Variants in SPATA7 observed in about 807,000 individuals in gnomAD.
SPATA7 encodes spermatogenesis-associated protein 7.
A neutral mutation model predicts 51.8 loss-of-function variants in SPATA7; 43 were observed. That is an observed-to-expected ratio of 0.83 (90% CI 0.65 to 1.07). The LOEUF is 1.07. Ranked by LOEUF, SPATA7 falls within the 50% of genes least tolerant of loss-of-function variation. The probability of loss-of-function intolerance (pLI) is 0.00; values close to 1 mark genes in which losing one functional copy is unlikely to be tolerated. For synonymous variants in SPATA7, 230 were observed against 252.8 expected, an observed-to-expected ratio of 0.91 and a Z score of 0.86; for missense variants, 683 against 701.3, an observed-to-expected ratio of 0.97 and a Z score of 0.30.
Position 88,396,578 on chromosome 14 carries a change from G to A in SPATA7, c.238+375G>A, listed in dbSNP as rs181025968. Among the ~76,000 whole-genome samples, 540 of 152,210 alleles carry A rather than the reference G, an allele frequency of 3.5e-3. 4 individuals are homozygous for A. The highest frequency in any genetic ancestry group is 5.1e-3 in the Non-Finnish European group (347 of 68,004). Reference sequence around the variant, plus strand: ...TTTCACCTAGCATGATGTTCTCAAGGTTCACCCATATTGTAATGAGTCAGA... The same window carrying A: ...TTTCACCTAGCATGATGTTCTCAAGATTCACCCATATTGTAATGAGTCAGA... On this transcript the variant is annotated intron_variant, in intron 4 of 11. Transcript: ENST00000393545.
At chr14:88,434,189 T>C (rs2077013920) in intron 10 of SPATA7, among the ~76,000 whole-genome samples, 1 of 152,170 alleles carries the variant, frequency 6.6e-6, no homozygotes, top group Admixed American at 6.5e-5. Context: ...TTTATGTTTT[T>C]CTCAAGATTA....
In SPATA7 at chr14:88,437,836, A is replaced by G; in HGVS notation, c.1216-2A>G. On this transcript the variant is annotated splice_acceptor_variant, in intron 11 of 11. Transcript: ENST00000393545. LOFTEE classifies it high-confidence loss of function. ...ATTAGTCTCATCTTTTCTTAATCCT[A>G]GGAAAAAATGCGCCACCTGCTGCAT... The G allele has an allele frequency of 9.5e-6, 15 of 1,586,890 alleles. No homozygotes were observed. Among genetic ancestry groups the G allele is most frequent in the Admixed American group, 1.9e-5 (1 of 53,324 alleles).
intron 1 of SPATA7, among the ~76,000 whole-genome samples, chr14:88,390,429 A>G (rs2075710882): frequency 6.6e-6 from 1 of 152,118 alleles, no homozygotes; most frequent in African/African-American, 2.4e-5. Context: ...CAGGATGGCC[A>G]CCAGCAATAC....
intron 4 of SPATA7, among the ~76,000 whole-genome samples, chr14:88,397,384 C>T (rs2075915984): frequency 6.6e-6 from 1 of 151,700 alleles, no homozygotes; most frequent in Non-Finnish European, 1.5e-5. Context: ...TACCCAGGCA[C>T]AGTGGCTCAC....
chr14:88,393,444 A>G lies in SPATA7; in HGVS notation c.146A>G (p.Lys49Arg), dbSNP rs759157343. ...AGACTAAGCACTCTCCAGCTGGTCA[A>G]GAATCACATGGCTGTTCACTATAAT... The part of the protein sequence containing the change: ...SLRLSTLQLV[K>R]NHMAVHYNKI... Residue 49 changes from lysine to arginine, a missense_variant, in exon 3 of 12, where the codon AAG (lysine) becomes AGG (arginine). Lys to Arg is a conservative substitution (Grantham distance 26, BLOSUM62 2). Transcript: ENST00000393545. 9 of 1,606,166 alleles carry G rather than the reference A, an allele frequency of 5.6e-6. No individual in the cohort carries two copies. The highest frequency in any genetic ancestry group is 6.8e-6 in the Non-Finnish European group (8 of 1,175,580).
intron 4 of SPATA7, among the ~76,000 whole-genome samples, chr14:88,408,794 T>C (rs1039740913): frequency 6.6e-6 from 1 of 152,196 alleles, no homozygotes; most frequent in Admixed American, 6.5e-5. Flanking sequence ...CAACACCTAG[T>C]TTATTGAGGG....
intron 3 of SPATA7, among the ~76,000 whole-genome samples, chr14:88,452,746 TGCCA>T (rs2077260364): frequency 2.6e-5 from 4 of 152,176 alleles, no homozygotes; most frequent in Non-Finnish European, 4.4e-5. Context: ...AAACAAACCA[TGCCA>T]CTCTCTTCTT....
chr14:88,412,011 G>A (rs972292740), intron 4 of SPATA7, among the ~76,000 whole-genome samples: 5 of 150,350 alleles, frequency 3.3e-5, no homozygotes, highest in Admixed American at 1.3e-4. Context: ...CTTTTTCCCC[G>A]CAACCTTGCC....
chr14:88,468,830 C>T, intron 4 of SPATA7: 2 of 1,555,576 alleles, frequency 1.3e-6, no homozygotes, highest in Non-Finnish European at 1.8e-6. Context: ...GAAATGTGCG[C>T]AAAAAGAGCT....
intron 3 of SPATA7, among the ~76,000 whole-genome samples, chr14:88,449,288 G>T (rs1758846): frequency 0.55 from 83,670 of 151,964 alleles, 25,385 homozygotes; most frequent in Admixed American, 0.7. Context: ...CTATCATTCA[G>T]TTCAAAGAAT....
At chr14:88,462,645 G>T (rs890058250) in intron 4 of SPATA7, among the ~76,000 whole-genome samples, 1 of 152,202 alleles carries the variant, frequency 6.6e-6, no homozygotes, top group East Asian at 1.9e-4. Flanking sequence ...TATGTCGCTT[G>T]TGTACTGCTA....
At chr14:88,448,043 T>C (rs1384400186) in intron 3 of SPATA7, among the ~76,000 whole-genome samples, 6 of 152,068 alleles carry the variant, frequency 3.9e-5, no homozygotes, top group Admixed American at 3.9e-4. Flanking sequence ...CTTTGCTAGA[T>C]TGGGGAAGTT....
chr14:88,413,168 C>A (rs1282248641), intron 4 of SPATA7, among the ~76,000 whole-genome samples: 1 of 152,154 alleles, frequency 6.6e-6, no homozygotes, highest in African/African-American at 2.4e-5. Flanking sequence ...GATATTGACT[C>A]TTCCAATCCA....
rs897398508 is a variant in SPATA7, at chr14:88,423,671, A to ATT, written c.373-2534_373-2533dup. On this transcript the variant is annotated intron_variant, in intron 5 of 11. Transcript: ENST00000393545. Reference sequence around the variant, plus strand: ...CAAACAGATGTTAGATTTTAAAATAATTTTTTTTTTTTTTTTTTTTTTTTT... The same window carrying ATT: ...CAAACAGATGTTAGATTTTAAAATAATTTTTTTTTTTTTTTTTTTTTTTTTTT... Among the ~76,000 whole-genome samples, 66 of 12,272 alleles carry ATT rather than the reference A, an allele frequency of 5.4e-3. 20 individuals carry two copies. The highest frequency in any genetic ancestry group is 8.1e-3 in the Admixed American group (4 of 492). 8.1% of individuals were successfully genotyped at this position (12,272 alleles called of 152,430 possible).
chr14:88,432,521 A>G (rs1453618135), intron 9 of SPATA7: 1 of 152,256 alleles, frequency 6.6e-6, no homozygotes, highest in Non-Finnish European at 1.5e-5. Context: ...AAGTGTGTTC[A>G]AGTAGTTAAA....
chr14:88,468,301 T>G, intron 4 of SPATA7: 1 of 1,550,204 alleles, frequency 6.5e-7, no homozygotes, highest in Non-Finnish European at 8.7e-7. Flanking sequence ...GATAATGTGT[T>G]CCCCTGGGGA....
At position 88,431,212 on chromosome 14, in the gene SPATA7, A is replaced by G. The variant is rs1468094515; in HGVS notation, c.1069A>G (p.Lys357Glu). 1 of 1,613,620 alleles carries G rather than the reference A, an allele frequency of 6.2e-7. No individual in the cohort carries two copies. The highest frequency in any genetic ancestry group is 1.3e-5 in the African/African-American group (1 of 75,022). Residue 357 changes from lysine (K) to glutamate (E), a missense_variant, in exon 9 of 12, where the codon AAA becomes GAA. Physicochemically the swap from Lys to Glu is moderately conservative, Grantham distance 56. Transcript: ENST00000393545. ...TTCCCTGAAGCCCCCTTCAACTCGT[A>G]AAATCTACTCTGAGTAAGATCTTTT... ...QYSLKPPSTR[K>E]IYSDEEELLY...
chr14:88,470,138 T>G, exon 5 of SPATA7: 2 of 1,391,348 alleles, frequency 1.4e-6, no homozygotes, highest in Non-Finnish European at 2.0e-6. Flanking sequence ...ACTAAAAAAG[T>G]TTTTTTAAAA....
At chr14:88,395,435 T>C (rs547642766) in intron 3 of SPATA7, among the ~76,000 whole-genome samples, 1 of 152,250 alleles carries the variant, frequency 6.6e-6, no homozygotes, top group East Asian at 1.9e-4. Flanking sequence ...TTTAGTTTTA[T>C]AAACTAAACA....
Sources: allele counts gnomAD v4.1 joint callset (sites outside exome capture counted in the v4.1 genomes callset), GRCh38; gene constraint gnomAD v4.1.1; transcripts MANE v1.5; gene names NCBI Gene and HGNC (gene_info 2026-07-23, HGNC 2026-07-21).